Variants in MLIP observed in about 807,000 individuals in gnomAD.
MLIP encodes muscular LMNA-interacting protein.
In MLIP, 79 loss-of-function variants were observed where a neutral mutation model predicts 84.8. The observed-to-expected ratio is 0.93, with a 90% CI of 0.78 to 1.12. The LOEUF (loss-of-function observed/expected upper bound fraction) is 1.12, where lower values mean the gene tolerates loss of function less well. Among genes scored for constraint, MLIP ranks in the 50% most tolerant of loss-of-function variants. MLIP has a pLI of 0.00. For synonymous variants in MLIP, 504 were observed against 463.0 expected, an observed-to-expected ratio of 1.09 and a Z score of -1.14; for missense variants, 1,257 against 1,160.6, an observed-to-expected ratio of 1.08 and a Z score of -1.21.
rs952885024 is a variant in MLIP at position 54,137,072 on chromosome 6, C to T, written c.1003C>T (p.His335Tyr). 6 of 1,536,006 alleles carry T rather than the reference C, an allele frequency of 3.9e-6. No homozygotes were observed. In the African/African-American group the frequency reaches 6.8e-5, roughly 18 times the overall value. The change falls in exon 4 of 14, where the codon CAT (histidine) becomes TAT (tyrosine). Residue 335 changes from histidine to tyrosine, a missense_variant. Transcript: ENST00000502396. ...TCTCAAGAAGACAACTTTAACCTCG[C>T]ATGTCCTTAGTCACGGAGAAAGTCC... is the stretch of plus-strand genomic sequence containing the variant. ...EVLKKTTLTS[H>Y]VLSHGESPRT...
intron 1 of MLIP, among the ~76,000 whole-genome samples, chr6:54,105,038 C>T (rs1244753548): frequency 1.3e-5 from 2 of 152,190 alleles, no homozygotes; most frequent in Non-Finnish European, 2.9e-5. Flanking sequence ...TTGGATAACG[C>T]TGATCTAGAA....
At chr6:54,040,125 AATTC>A (rs1764661241) in intron 1 of MLIP, among the ~76,000 whole-genome samples, 2 of 152,010 alleles carry the variant, frequency 1.3e-5, no homozygotes, top group South Asian at 4.1e-4. Flanking sequence ...CTTCATTAGT[AATTC>A]ATTAATCTAT....
rs182580527 is a variant in MLIP, at chr6:54,026,534, G to T, written c.63+7443G>T. On this transcript the variant is annotated intron_variant, in intron 1 of 12. Coordinates refer to the MLIP transcript ENST00000274897. ...GAAATTTTAAAAAGAGAGAGGAAAG[G>T]AAATATGCTATGATAGTGGTGGACC... 1.4e-4 allele frequency among the ~76,000 whole-genome samples: 22 copies of T among 152,290 alleles called. No homozygotes were observed. The East Asian group carries it at 4.1e-3, about 28-fold the overall frequency.
intron 9 of MLIP, among the ~76,000 whole-genome samples, chr6:54,180,298 T>C (rs1326830112): frequency 6.6e-6 from 1 of 152,156 alleles, no homozygotes; most frequent in Non-Finnish European, 1.5e-5. Context: ...CTTGAGGTCA[T>C]CTTCCTTGGG....
intron 1 of MLIP, among the ~76,000 whole-genome samples, chr6:54,099,025 A>T (rs957153857): frequency 6.6e-6 from 1 of 152,130 alleles, no homozygotes; most frequent in Non-Finnish European, 1.5e-5. Context: ...AAAAGTAATG[A>T]CTTTGCAAAA....
intron 11 of MLIP, among the ~76,000 whole-genome samples, chr6:54,210,486 C>T (rs1476822387): frequency 6.6e-6 from 1 of 152,202 alleles, no homozygotes; most frequent in Non-Finnish European, 1.5e-5. Flanking sequence ...AGAAAGAGCC[C>T]ATAATTTTAG....
chr6:54,128,651 T>G (rs928677793), intron 3 of MLIP, among the ~76,000 whole-genome samples: 1 of 151,820 alleles, frequency 6.6e-6, no homozygotes, highest in African/African-American at 2.4e-5. Context: ...GTTTGAGAAA[T>G]GGATGGAGGT....
chr6:54,232,389 C>T (rs1248870748), intron 12 of MLIP, among the ~76,000 whole-genome samples: 1 of 152,100 alleles, frequency 6.6e-6, no homozygotes, highest in Non-Finnish European at 1.5e-5. Context: ...TTTGGTTAGG[C>T]TGAGAAGAAC....
At chr6:54,237,210 A>G (rs1488862452) in intron 12 of MLIP, among the ~76,000 whole-genome samples, 1 of 151,568 alleles carries the variant, frequency 6.6e-6, no homozygotes, top group Non-Finnish European at 1.5e-5. Context: ...CACTGTGGGG[A>G]ACTGGAGCTT....
intron 1 of MLIP, among the ~76,000 whole-genome samples, chr6:54,062,206 T>C (rs1420742146): frequency 6.6e-6 from 1 of 152,176 alleles, no homozygotes; most frequent in Non-Finnish European, 1.5e-5. Flanking sequence ...TTCTTTGTAG[T>C]GTTTCTTACT....
chr6:54,167,927 T>G (rs1251328688), intron 8 of MLIP, among the ~76,000 whole-genome samples: 1 of 151,762 alleles, frequency 6.6e-6, no homozygotes, highest in African/African-American at 2.4e-5. Context: ...TATCAAAAGT[T>G]TGGGTTAGCT....
intron 11 of MLIP, among the ~76,000 whole-genome samples, chr6:54,210,131 C>T (rs1779329571): frequency 6.6e-6 from 1 of 150,430 alleles, no homozygotes; most frequent in African/African-American, 2.5e-5. Flanking sequence ...ACCTGCCCAC[C>T]TCACCTCACC....
intron 12 of MLIP, among the ~76,000 whole-genome samples, chr6:54,254,730 T>C (rs1408569786): frequency 3.6e-5 from 4 of 110,350 alleles, no homozygotes; most frequent in Admixed American, 8.4e-5. Context: ...AATCTTCTTT[T>C]TTTTTCTCCC....
At chr6:54,080,100 C>T (rs1424805713) in intron 1 of MLIP, among the ~76,000 whole-genome samples, 1 of 152,128 alleles carries the variant, frequency 6.6e-6, no homozygotes, top group African/African-American at 2.4e-5. Context: ...CTGTAATTTA[C>T]CAAACCTAAT....
chr6:54,208,104 GGC>G (rs1456880940), intron 11 of MLIP, among the ~76,000 whole-genome samples: 1 of 151,706 alleles, frequency 6.6e-6, no homozygotes. Flanking sequence ...CTCCAGGCTG[GGC>G]AACAGAGCGA....
intron 1 of MLIP, among the ~76,000 whole-genome samples, chr6:54,080,906 C>A (rs1160373926): frequency 6.6e-6 from 1 of 151,862 alleles, no homozygotes; most frequent in Non-Finnish European, 1.5e-5. Flanking sequence ...CACCCCTCAT[C>A]TCTGTGGGTG....
chr6:54,089,664 T>C (rs186796603), intron 1 of MLIP, among the ~76,000 whole-genome samples: 1 of 152,082 alleles, frequency 6.6e-6, no homozygotes, highest in Non-Finnish European at 1.5e-5. Flanking sequence ...GAAAACAAAA[T>C]CCCATAATGC....
intron 13 of MLIP, chr6:54,261,597 A>G: frequency 2.0e-6 from 2 of 985,198 alleles, no homozygotes; most frequent in Non-Finnish European, 2.4e-6. Flanking sequence ...CTTTGGTGGT[A>G]TATAAGCTTT....
chr6:54,115,578 T>TA (rs948466616), intron 1 of MLIP, among the ~76,000 whole-genome samples: 2 of 152,030 alleles, frequency 1.3e-5, no homozygotes, highest in Non-Finnish European at 2.9e-5. Flanking sequence ...TACAATATTA[T>TA]AAAAAATACC....
Sources: gnomAD v4.1 joint callset for allele counts (sites outside exome capture counted in the v4.1 genomes callset) on GRCh38, gnomAD v4.1.1 for gene constraint, MANE v1.5 for transcripts, NCBI Gene and HGNC (gene_info 2026-07-23, HGNC 2026-07-21) for gene names.